Variants in BEST3 observed in about 807,000 individuals in gnomAD.
The protein encoded by BEST3 is bestrophin 3.
Under a neutral mutation model 47.1 loss-of-function variants are expected in BEST3, and 50 were observed. The ratio of observed to expected loss-of-function variants is 1.06; its 90% confidence interval spans 0.85 to 1.34. The LOEUF (loss-of-function observed/expected upper bound fraction) is 1.34. Ranked by LOEUF, BEST3 falls within the 40% of genes most tolerant of loss-of-function variation. The probability of loss-of-function intolerance (pLI) is 0.00; values close to 1 mark genes in which losing one functional copy is unlikely to be tolerated. For synonymous variants in BEST3, 282 were observed against 298.8 expected, an observed-to-expected ratio of 0.94 and a Z score of 0.58; for missense variants, 765 against 817.0, an observed-to-expected ratio of 0.94 and a Z score of 0.78.
chr12:69,674,876 C>A, intron 7 of BEST3, among the ~76,000 whole-genome samples: 1 of 149,798 alleles, frequency 6.7e-6, no homozygotes, highest in African/African-American at 2.4e-5. Flanking sequence ...AGGCACAACC[C>A]ATGGTTTAGG....
At chr12:69,691,685 G>T (rs578158040) in intron 4 of BEST3, among the ~76,000 whole-genome samples, 90 of 152,282 alleles carry the variant, frequency 5.9e-4, no homozygotes, top group African/African-American at 2.1e-3. Context: ...CCAGCTGCTC[G>T]GGAGTCTGAG....
At chr12:69,685,273 T>A (rs567189004) in intron 4 of BEST3, among the ~76,000 whole-genome samples, 1 of 152,326 alleles carries the variant, frequency 6.6e-6, no homozygotes, top group Admixed American at 6.5e-5. Context: ...CATCTGGTAA[T>A]TCACTGCCTT....
intron 9 of BEST3, chr12:69,661,295 T>C (rs1883857542): frequency 6.6e-6 from 1 of 152,254 alleles, no homozygotes; most frequent in Non-Finnish European, 1.5e-5. Flanking sequence ...TGCTCTACTT[T>C]TGAAGCGGTA....
intron 2 of BEST3, among the ~76,000 whole-genome samples, chr12:69,695,843 C>T (rs1226465020): frequency 2.6e-5 from 4 of 151,912 alleles, no homozygotes; most frequent in Non-Finnish European, 5.9e-5. Context: ...TAACAAATTG[C>T]CTCATACTTA....
In BEST3 at chr12:69,655,217, G is replaced by A. The variant is rs370511761; in HGVS notation, c.1697C>T (p.Thr566Ile). ...ETPPGGPSPQ[T>I]VSASAEENIF... ...ATTTTCCTCAGCGCTGGCTGAAACTGTCTGGGGACTGGGGCCTCCAGGAGG... is the reference window on the plus strand; with the variant it reads ...ATTTTCCTCAGCGCTGGCTGAAACTATCTGGGGACTGGGGCCTCCAGGAGG... Residue 566 changes from threonine to isoleucine, a missense_variant, in exon 10 of 10, where the codon ACA (threonine) becomes ATA (isoleucine). Transcript: ENST00000330891. 6.8e-6 allele frequency: 11 copies of A among 1,614,046 alleles called. No individual in the cohort carries two copies. Among genetic ancestry groups the A allele is most frequent in the East Asian group, 2.2e-5 (1 of 44,872 alleles).
intron 4 of BEST3, among the ~76,000 whole-genome samples, chr12:69,693,263 C>CTTT (rs61067334): frequency 8.0e-5 from 9 of 112,556 alleles, no homozygotes; most frequent in Non-Finnish European, 1.1e-4. Flanking sequence ...TTTCTTTTTT[C>CTTT]TTTTTTTTTT....
chr12:69,655,054 G>A lies in BEST3; in HGVS notation c.1860C>T (p.Asp620=). Reference sequence around the variant, plus strand: ...CACTGATCTCTGAGGATGTTTCTGTGTCAATTAAAAGAGCTGGCTGAGAGC... The same window carrying A: ...CACTGATCTCTGAGGATGTTTCTGTATCAATTAAAAGAGCTGGCTGAGAGC... ...PMSSQPALLI[D]TETSSEISGI... is the part of the protein sequence containing the mutation. Residue 620 remains aspartate, a synonymous_variant, in exon 10 of 10, where the codon GAC becomes GAT. Coordinates refer to ENST00000330891, the MANE Select transcript of BEST3 (RefSeq NM_032735.3). The A allele has an allele frequency of 1.2e-6, 2 of 1,614,184 alleles. No individual in the cohort carries two copies. Among genetic ancestry groups the A allele is most frequent in the Non-Finnish European group, 1.7e-6 (2 of 1,180,014 alleles).
downstream of BEST3, among the ~76,000 whole-genome samples, chr12:69,649,934 G>T (rs923614736): frequency 2.6e-5 from 4 of 152,216 alleles, no homozygotes; most frequent in Admixed American, 6.5e-5. Flanking sequence ...TCTGGCAAAT[G>T]TCTAAAATTA....
intron 9 of BEST3, among the ~76,000 whole-genome samples, chr12:69,664,706 AAT>A (rs199714859): frequency 0.011 from 1,693 of 147,676 alleles, 38 homozygotes; most frequent in African/African-American, 0.039. Flanking sequence ...ATATTATATA[AAT>A]ATATATAATA....
At position 69,655,531 on chromosome 12, in the gene BEST3, C is replaced by T. The variant is rs764896463; in HGVS notation, c.1383G>A (p.Thr461=). 4.7e-5 allele frequency: 76 copies of T among 1,613,986 alleles called. No individual in the cohort carries two copies. The highest frequency in any genetic ancestry group is 1.3e-4 in the Admixed American group (8 of 60,006). ...ACAGCTCTCCCATGCTGAAGTGCAG[C>T]GTGGGGCTTCCTTCTGGGAAGCAGG... The part of the protein sequence containing the change: ...KKSCFPEGSP[T]LHFSMGELST... Residue 461 remains threonine, a synonymous_variant, in exon 10 of 10, where the codon ACG becomes ACA. Transcript: ENST00000330891.
At chr12:69,667,615 T>C (rs1884307984) in intron 9 of BEST3, among the ~76,000 whole-genome samples, 1 of 152,166 alleles carries the variant, frequency 6.6e-6, no homozygotes, top group Non-Finnish European at 1.5e-5. Flanking sequence ...TTCTTAAGGA[T>C]GCATATTAGA....
Position 69,693,810 on chromosome 12 carries a change from G to A in BEST3, c.345C>T (p.His115=). The A allele has an allele frequency of 1.2e-6, 2 of 1,614,088 alleles. No individual in the cohort carries two copies. Among genetic ancestry groups the A allele is most frequent in the Non-Finnish European group, 1.7e-6 (2 of 1,180,000 alleles). The part of the protein sequence containing the change: ...RLMFLISSSV[H]GSDEHGRLLR... ...GCAGGCGCCCGTGCTCGTCGCTTCCGTGAACACTGCTAGAGATGAGGAACA... is the reference window on the plus strand; with the variant it reads ...GCAGGCGCCCGTGCTCGTCGCTTCCATGAACACTGCTAGAGATGAGGAACA... The change falls in exon 4 of 10, where the codon CAC becomes CAT. Residue 115 remains histidine, a synonymous_variant. Coordinates refer to ENST00000330891, the MANE Select transcript of BEST3 (RefSeq NM_032735.3).
chr12:69,665,501 G>A (rs141662209), intron 9 of BEST3, among the ~76,000 whole-genome samples: 1,811 of 152,270 alleles, frequency 0.012, 36 homozygotes, highest in African/African-American at 0.041. Flanking sequence ...GCTGAGGCAG[G>A]GGAATTGCTT....
At position 69,672,979 on chromosome 12, in the gene BEST3, C is replaced by T. The variant is rs1351145358; in HGVS notation, c.868-14G>A. 1 of 1,593,380 alleles carries T rather than the reference C, an allele frequency of 6.3e-7. No individual in the cohort carries two copies. Among genetic ancestry groups the T allele is most frequent in the Non-Finnish European group, 8.6e-7 (1 of 1,167,794 alleles). ...CTGCTCTGCTACCTGTAGTTGAGAA[C>T]ATAAAATAAATCCATCATGATACCT... On this transcript the variant is annotated splice_polypyrimidine_tract_variant and intron_variant, in intron 7 of 9. Transcript: ENST00000330891.
At position 69,654,738 on chromosome 12, in the gene BEST3, C is replaced by G; in HGVS notation, c.*169G>C. 1 of 1,347,582 alleles carries G rather than the reference C, an allele frequency of 7.4e-7. No homozygotes were observed. The highest frequency in any genetic ancestry group is 9.5e-7 in the Non-Finnish European group (1 of 1,050,358). 83.5% of individuals were successfully genotyped at this position (1,347,582 alleles called of 1,614,324 possible). On this transcript the variant is annotated 3_prime_UTR_variant, in exon 10 of 10. Coordinates refer to ENST00000330891, the MANE Select transcript of BEST3 (RefSeq NM_032735.3). ...CGTGAATGCGTTTGATTTTTCGCAG[C>G]TCTCAAAAAGTCAGGATCATAATGC... is the stretch of plus-strand genomic sequence containing the variant.
intron 9 of BEST3, chr12:69,670,239 G>A (rs1884475668): frequency 5.6e-6 from 3 of 531,732 alleles, no homozygotes; most frequent in African/African-American, 1.9e-5. Context: ...CATGGAAACT[G>A]AGAATACACT....
At chr12:69,679,132 AGAG>A (rs1036974393) in intron 4 of BEST3, among the ~76,000 whole-genome samples, 7 of 152,220 alleles carry the variant, frequency 4.6e-5, no homozygotes, top group Non-Finnish European at 2.9e-5. Flanking sequence ...AATCCCTGAT[AGAG>A]GAGGCCATTA....
intron 9 of BEST3, among the ~76,000 whole-genome samples, chr12:69,645,451 C>T (rs1055810723): frequency 1.3e-5 from 2 of 152,184 alleles, no homozygotes; most frequent in African/African-American, 2.4e-5. Context: ...TGTTGGTTTC[C>T]CAAGGTTCCT....
At chr12:69,646,384 A>G (rs1414000116) in intron 9 of BEST3, among the ~76,000 whole-genome samples, 2 of 152,094 alleles carry the variant, frequency 1.3e-5, no homozygotes, top group African/African-American at 4.8e-5. Flanking sequence ...CTAACTTTGG[A>G]TCTAGATCTG....
Sources: gnomAD v4.1 joint callset for allele counts (sites outside exome capture counted in the v4.1 genomes callset) on GRCh38, gnomAD v4.1.1 for gene constraint, MANE v1.5 for transcripts, NCBI Gene and HGNC (gene_info 2026-07-23, HGNC 2026-07-21) for gene names.